The following GRM5 variants were observed in gnomAD, a reference collection of about 807,000 sequenced individuals.
GRM5 encodes the protein glutamate metabotropic receptor 5.
GRM5 carries 19 observed loss-of-function variants against 83.1 expected under a neutral mutation model. The observed-to-expected ratio is 0.23, with a 90% CI of 0.16 to 0.34. The LOEUF is 0.34. Among genes scored for constraint, GRM5 ranks in the 10% least tolerant of loss-of-function variants. The pLI is 1.00. For missense variants in GRM5, 1,160 were observed against 1,588.3 expected (o/e 0.73, Z 4.58); for synonymous variants, 675 against 633.6 (o/e 1.07, Z -0.98).
At chr11:88,517,405 C>T (rs1317749938) in intron 9 of GRM5, among the ~76,000 whole-genome samples, 1 of 151,964 alleles carries the variant, frequency 6.6e-6, no homozygotes, top group East Asian at 1.9e-4. Context: ...GCTTTGAAGG[C>T]ATGTGAGACA....
chr11:88,544,903 G>T lies in GRM5; in HGVS notation c.2631-19499C>A, dbSNP rs140803290. 1.1e-4 allele frequency among the ~76,000 whole-genome samples: 16 copies of T among 152,278 alleles called. No individual in the cohort carries two copies. The East Asian group carries it at 2.9e-3, about 28-fold the overall frequency. The stretch of plus-strand genomic sequence containing the variant: ...TTGATAGTTTGCACATTATATTAAG[G>T]TTTGCACTATAGAATCCGGTAGCCA... On this transcript the variant is annotated intron_variant, in intron 8 of 9. Coordinates refer to ENST00000305447, the MANE Select transcript of GRM5 (RefSeq NM_001143831.3).
At chr11:88,787,154 TG>T (rs1943088964) in intron 3 of GRM5, among the ~76,000 whole-genome samples, 1 of 151,348 alleles carries the variant, frequency 6.6e-6, no homozygotes, top group Non-Finnish European at 1.5e-5. Flanking sequence ...TGTGTGTGTG[TG>T]TGTGTGTGTG....
intron 4 of GRM5, among the ~76,000 whole-genome samples, chr11:88,634,704 A>G (rs1484174659): frequency 6.6e-6 from 1 of 152,230 alleles, no homozygotes; most frequent in Non-Finnish European, 1.5e-5. Context: ...TCTTATAAGT[A>G]GAAGGAGTAC....
At chr11:88,600,029 A>G (rs904757260) in intron 5 of GRM5, among the ~76,000 whole-genome samples, 1 of 152,152 alleles carries the variant, frequency 6.6e-6, no homozygotes, top group African/African-American at 2.4e-5. Context: ...ACAAAACAAG[A>G]AAACAGTAAT....
chr11:88,898,414 A>G (rs1945267425), intron 2 of GRM5, among the ~76,000 whole-genome samples: 1 of 152,020 alleles, frequency 6.6e-6, no homozygotes, highest in Non-Finnish European at 1.5e-5. Flanking sequence ...AGGCGGGAAC[A>G]TAATTCAACC....
At chr11:88,994,746 G>A (rs1434530901) in intron 2 of GRM5, among the ~76,000 whole-genome samples, 1 of 150,908 alleles carries the variant, frequency 6.6e-6, no homozygotes, top group Non-Finnish European at 1.5e-5. Flanking sequence ...CAAAATCATT[G>A]TCTCAAGTAT....
chr11:88,662,365 G>A (rs1718077582), intron 3 of GRM5, among the ~76,000 whole-genome samples: 1 of 152,108 alleles, frequency 6.6e-6, no homozygotes, highest in Admixed American at 6.6e-5. Flanking sequence ...TGACAGCAGA[G>A]AACTGTGTCT....
intron 2 of GRM5, among the ~76,000 whole-genome samples, chr11:88,857,745 C>T (rs1328713674): frequency 1.3e-5 from 2 of 151,980 alleles, no homozygotes; most frequent in Non-Finnish European, 2.9e-5. Flanking sequence ...CACAACAAAA[C>T]ATTGTATATA....
chr11:88,836,973 G>A (rs1479978271), intron 3 of GRM5, among the ~76,000 whole-genome samples: 2 of 152,112 alleles, frequency 1.3e-5, no homozygotes, highest in African/African-American at 2.4e-5. Flanking sequence ...AAACTTTTCT[G>A]TTTACTAAAA....
chr11:88,758,403 C>T (rs779393089), intron 3 of GRM5, among the ~76,000 whole-genome samples: 4 of 152,060 alleles, frequency 2.6e-5, no homozygotes, highest in African/African-American at 7.2e-5. Flanking sequence ...ACCCAATAGA[C>T]GTGGAAGACA....
chr11:88,789,425 C>A lies in GRM5; in HGVS notation c.911+60481G>T, dbSNP rs147658629. On this transcript the variant is annotated intron_variant, in intron 3 of 9. Coordinates refer to ENST00000305447, the MANE Select transcript of GRM5 (RefSeq NM_001143831.3). ...GTGAAAATTTAAGAATGAATTATTT[C>A]GGTAAGGCTTATCTGTAAGTTAATG... Among the ~76,000 whole-genome samples, 24 of 152,050 alleles carry A rather than the reference C, an allele frequency of 1.6e-4. No individual in the cohort carries two copies. In the East Asian group the frequency reaches 3.7e-3, roughly 23 times the overall value.
rs1488807341 is a variant in GRM5 at position 88,630,574 on chromosome 11, AACACACACACACAC to A, written c.1147+22580_1147+22593del. 1.9e-4 allele frequency among the ~76,000 whole-genome samples: 3 copies of A among 15,984 alleles called. No individual in the cohort carries two copies. The East Asian group carries it at 3.3e-3, about 17-fold the overall frequency. 10.5% of individuals were successfully genotyped at this position (15,984 alleles called of 152,430 possible). A position where few individuals can be genotyped will look rare whatever the true frequency, so the allele number is the denominator to read the frequency against. ...ACACACACACACACACACACACACA[AACACACACACACAC>A]ACATATTATGATGGAGTTTCATTCT... is the stretch of plus-strand genomic sequence containing the variant. On this transcript the variant is annotated intron_variant, in intron 4 of 9. Coordinates refer to ENST00000305447, the MANE Select transcript of GRM5 (RefSeq NM_001143831.3).
At chr11:88,520,014 T>C (rs1170101561) in intron 9 of GRM5, among the ~76,000 whole-genome samples, 1 of 152,182 alleles carries the variant, frequency 6.6e-6, no homozygotes, top group Non-Finnish European at 1.5e-5. Context: ...GAACCAGATA[T>C]TGAAGTTCCT....
intron 2 of GRM5, among the ~76,000 whole-genome samples, chr11:88,944,475 T>C (rs1290039352): frequency 2.6e-5 from 4 of 151,954 alleles, no homozygotes; most frequent in Admixed American, 2.6e-4. Flanking sequence ...TAATAACATA[T>C]CCATCATCTC....
At position 88,782,777 on chromosome 11, in the gene GRM5, G is replaced by A. The variant is rs534364048; in HGVS notation, c.911+67129C>T. 5.3e-5 allele frequency among the ~76,000 whole-genome samples: 8 copies of A among 152,082 alleles called. No individual in the cohort carries two copies. The South Asian group carries it at 6.2e-4, about 12-fold the overall frequency. On this transcript the variant is annotated intron_variant, in intron 3 of 9. Transcript: ENST00000305447. ...AAATAATTAAAATATCAATTCACAT[G>A]GTCCAAAGCTGACGGGTTGTTGTTC... is the stretch of plus-strand genomic sequence containing the variant.
chr11:88,616,226 A>G (rs576606802), intron 4 of GRM5, among the ~76,000 whole-genome samples: 1 of 152,272 alleles, frequency 6.6e-6, no homozygotes, highest in East Asian at 1.9e-4. Flanking sequence ...CACATTCAAA[A>G]TATAAAGATC....
At chr11:88,937,090 A>G (rs1202583441) in intron 2 of GRM5, among the ~76,000 whole-genome samples, 1 of 151,574 alleles carries the variant, frequency 6.6e-6, no homozygotes, top group Non-Finnish European at 1.5e-5. Context: ...ACTCACTACA[A>G]CTCAAAGTGA....
chr11:88,642,904 T>G (rs1939332947), intron 4 of GRM5, among the ~76,000 whole-genome samples: 1 of 152,158 alleles, frequency 6.6e-6, no homozygotes, highest in Admixed American at 6.6e-5. Flanking sequence ...TTCTAAACTT[T>G]CCCTTATCTT....
At position 88,677,805 on chromosome 11, in the gene GRM5, C is replaced by T. The variant is rs539475932; in HGVS notation, c.912-24402G>A. Among the ~76,000 whole-genome samples the T allele has an allele frequency of 4.1e-4, 62 of 152,176 alleles. 2 individuals are homozygous for T. The highest frequency in any genetic ancestry group is 1.3e-3 in the African/African-American group (56 of 41,540). On this transcript the variant is annotated intron_variant, in intron 3 of 9. Transcript: ENST00000305447. ...TTTCCATTTGATTTGCTACATTAAA[C>T]ATTTAATTATAAGAAAGAGACATCT... is the stretch of plus-strand genomic sequence containing the variant.
Sources: gnomAD v4.1 joint callset for allele counts (sites outside exome capture counted in the v4.1 genomes callset) on GRCh38, gnomAD v4.1.1 for gene constraint, MANE v1.5 for transcripts, NCBI Gene and HGNC (gene_info 2026-07-23, HGNC 2026-07-21) for gene names.